The following GALNT13 variants were observed in gnomAD, a reference collection of about 807,000 sequenced individuals.
The protein encoded by GALNT13 is UDP-GalNAc:polypeptide N-acetylgalactosaminyltransferase 13.
A neutral mutation model predicts 64.2 loss-of-function variants in GALNT13; 28 were observed. That is an observed-to-expected ratio of 0.44 (90% CI 0.32 to 0.60). The LOEUF is 0.60. Among genes scored for constraint, GALNT13 ranks in the 20% least tolerant of loss-of-function variants. The pLI is 0.05. For missense variants in GALNT13, 577 were observed against 669.8 expected (o/e 0.86, Z 1.53); for synonymous variants, 214 against 224.6 (o/e 0.95, Z 0.42).
At chr2:153,750,787 T>G in the GALNT13 span, among the ~76,000 whole-genome samples, 1 of 152,012 alleles carries the variant, frequency 6.6e-6, no homozygotes, top group East Asian at 1.9e-4. Flanking sequence ...TCATTGATTT[T>G]TGTTGTTTTT....
chr2:153,714,260 G>A, the GALNT13 span, among the ~76,000 whole-genome samples: 2 of 152,002 alleles, frequency 1.3e-5, no homozygotes, highest in Non-Finnish European at 2.9e-5. Flanking sequence ...CTCCTAGGAG[G>A]AGAAATATTT....
At chr2:153,798,086 C>T in the GALNT13 span, among the ~76,000 whole-genome samples, 1 of 152,152 alleles carries the variant, frequency 6.6e-6, no homozygotes, top group African/African-American at 2.4e-5. Context: ...TGTGTGCATG[C>T]TGAAATTTTA....
At chr2:153,778,770 G>C in the GALNT13 span, among the ~76,000 whole-genome samples, 1 of 152,158 alleles carries the variant, frequency 6.6e-6, no homozygotes, top group Non-Finnish European at 1.5e-5. Flanking sequence ...AGCAGTACAA[G>C]TGCAGTTTTG....
chr2:154,274,096 A>C (rs1054027937), intron 8 of GALNT13, among the ~76,000 whole-genome samples: 1 of 152,106 alleles, frequency 6.6e-6, no homozygotes, highest in South Asian at 2.1e-4. Context: ...CCTATCAATC[A>C]GTATAAATAT....
chr2:153,985,902 A>C (rs1455766770), intron 3 of GALNT13, among the ~76,000 whole-genome samples: 11 of 152,074 alleles, frequency 7.2e-5, no homozygotes, highest in Admixed American at 2.6e-4. Flanking sequence ...GGCTGTATTT[A>C]GTTTCCTTGG....
the GALNT13 span, among the ~76,000 whole-genome samples, chr2:153,473,743 A>G: frequency 6.6e-6 from 1 of 152,226 alleles, no homozygotes; most frequent in Non-Finnish European, 1.5e-5. Flanking sequence ...AAAATAAGCC[A>G]GGGTTAAGGA....
chr2:153,174,286 C>T, the GALNT13 span, among the ~76,000 whole-genome samples: 4 of 152,148 alleles, frequency 2.6e-5, no homozygotes, highest in African/African-American at 9.7e-5. Flanking sequence ...TTATTTTCTT[C>T]CTGTGGAATC....
the GALNT13 span, among the ~76,000 whole-genome samples, chr2:153,538,022 A>G: frequency 6.6e-6 from 1 of 152,180 alleles, no homozygotes; most frequent in African/African-American, 2.4e-5. Context: ...GGTAACAGGC[A>G]GAGGTTGGAA....
intron 1 of GALNT13, among the ~76,000 whole-genome samples, chr2:153,893,869 G>A (rs1687723406): frequency 6.6e-6 from 1 of 152,032 alleles, no homozygotes; most frequent in South Asian, 2.1e-4. Flanking sequence ...AGAATAACTT[G>A]ATGGAAGTGG....
the GALNT13 span, among the ~76,000 whole-genome samples, chr2:153,764,678 T>C: frequency 6.6e-6 from 1 of 152,226 alleles, no homozygotes; most frequent in East Asian, 1.9e-4. Context: ...CAAATGTTAA[T>C]CACCATGACA....
At chr2:153,071,278 C>T in the GALNT13 span, among the ~76,000 whole-genome samples, 1 of 152,186 alleles carries the variant, frequency 6.6e-6, no homozygotes, top group Non-Finnish European at 1.5e-5. Flanking sequence ...CTTCTCTGCA[C>T]TAAAGACATT....
At chr2:153,148,354 G>A in the GALNT13 span, among the ~76,000 whole-genome samples, 2 of 151,928 alleles carry the variant, frequency 1.3e-5, no homozygotes, top group Admixed American at 1.3e-4. Context: ...CAGTTTCCTA[G>A]TTAGGCAGCA....
the GALNT13 span, among the ~76,000 whole-genome samples, chr2:153,084,932 G>A: frequency 6.6e-6 from 1 of 152,202 alleles, no homozygotes; most frequent in African/African-American, 2.4e-5. Flanking sequence ...GGGCTCAGAA[G>A]AAGACAGGAA....
chr2:154,135,666 A>G (rs68072333), intron 3 of GALNT13, among the ~76,000 whole-genome samples: 19,003 of 152,130 alleles, frequency 0.12, 1,315 homozygotes, highest in South Asian at 0.21. Context: ...TTATTTTATT[A>G]AGAATTAACC....
chr2:153,441,892 G>A, the GALNT13 span, among the ~76,000 whole-genome samples: 2 of 152,152 alleles, frequency 1.3e-5, no homozygotes, highest in African/African-American at 4.8e-5. Flanking sequence ...GTCATCTGCA[G>A]ATGGAGACAA....
At chr2:153,522,864 C>T in the GALNT13 span, among the ~76,000 whole-genome samples, 3 of 151,986 alleles carry the variant, frequency 2.0e-5, no homozygotes, top group Non-Finnish European at 2.9e-5. Flanking sequence ...TTAATGAAGT[C>T]CAATTTATCA....
chr2:153,997,716 C>A (rs6723007), intron 3 of GALNT13, among the ~76,000 whole-genome samples: 1 of 152,188 alleles, frequency 6.6e-6, no homozygotes, highest in African/African-American at 2.4e-5. Flanking sequence ...CATAGGTATA[C>A]ATGTACCATG....
intron 4 of GALNT13, among the ~76,000 whole-genome samples, chr2:154,213,885 A>G (rs755530591): frequency 6.6e-6 from 1 of 152,154 alleles, no homozygotes. Flanking sequence ...AGTTAGAGTA[A>G]TAGTCATTCT....
intron 11 of GALNT13, chr2:154,436,269 C>G (rs1184197403): frequency 6.6e-6 from 1 of 151,968 alleles, no homozygotes; most frequent in Non-Finnish European, 1.5e-5. Flanking sequence ...ATATATCTTT[C>G]TTAAATGTAC....
Sources: gnomAD v4.1 joint callset for allele counts (sites outside exome capture counted in the v4.1 genomes callset) on GRCh38, gnomAD v4.1.1 for gene constraint, MANE v1.5 for transcripts, NCBI Gene and HGNC (gene_info 2026-07-23, HGNC 2026-07-21) for gene names.